The following STK39 variants were observed in gnomAD, a reference collection of about 807,000 sequenced individuals.
STK39 encodes STE20/SPS1-related proline-alanine-rich protein kinase.
A neutral mutation model predicts 77.8 loss-of-function variants in STK39; 20 were observed. The ratio of observed to expected loss-of-function variants is 0.26; its 90% CI spans 0.18 to 0.37. The LOEUF (loss-of-function observed/expected upper bound fraction) is 0.37. Ranked by LOEUF, STK39 falls within the 10% of genes least tolerant of loss-of-function variation. The pLI is 1.00. For synonymous variants in STK39, 246 were observed against 234.1 expected (o/e 1.05, Z -0.47); for missense variants, 479 against 656.5 (o/e 0.73, Z 2.95).
chr2:168,095,657 T>A lies in STK39; in HGVS notation c.1090-20426A>T, dbSNP rs1445913796. ...TTTTTTTTTTTTTAAGACGGAGTCTTGCTCTGTCGCCCAGGCTGGAGTGCA... is the reference window on the plus strand; with the variant it reads ...TTTTTTTTTTTTTAAGACGGAGTCTAGCTCTGTCGCCCAGGCTGGAGTGCA... On this transcript the variant is annotated intron_variant, in intron 10 of 17. Transcript: ENST00000355999. 2.7e-5 allele frequency among the ~76,000 whole-genome samples: 4 copies of A among 146,228 alleles called. No homozygotes were observed. In the East Asian group the frequency reaches 6.0e-4, roughly 22 times the overall value.
At chr2:167,997,983 TACAGTGCTG>T (rs1683890817) in intron 16 of STK39, among the ~76,000 whole-genome samples, 1 of 152,368 alleles carries the variant, frequency 6.6e-6, no homozygotes, top group African/African-American at 2.4e-5. Flanking sequence ...ATGGAGGCTA[TACAGTGCTG>T]TATAATAATT....
intron 3 of STK39, 79 bp from the exon 4 acceptor site, chr2:168,163,959 T>G: frequency 6.6e-7 from 1 of 1,510,658 alleles, no homozygotes; most frequent in Admixed American, 2.2e-5. Context: ...TGTATAAAAT[T>G]TAATAGAAAC....
At chr2:168,063,816 A>T (rs143173772) in intron 13 of STK39, among the ~76,000 whole-genome samples, 1 of 152,324 alleles carries the variant, frequency 6.6e-6, no homozygotes, top group Non-Finnish European at 1.5e-5. Context: ...TGGGTATCAT[A>T]AACAACTTGT....
chr2:168,102,830 T>A (rs1298115878), intron 10 of STK39, among the ~76,000 whole-genome samples: 1 of 146,722 alleles, frequency 6.8e-6, no homozygotes, highest in Non-Finnish European at 1.5e-5. Flanking sequence ...CTCGGGAGGC[T>A]GAGGCAGGAG....
intron 16 of STK39, among the ~76,000 whole-genome samples, chr2:167,996,281 T>C (rs1285821331): frequency 6.6e-6 from 1 of 152,194 alleles, no homozygotes; most frequent in Non-Finnish European, 1.5e-5. Flanking sequence ...CCTTCCAATA[T>C]CTAACTTAGC....
chr2:168,142,553 T>C (rs1490067578), intron 5 of STK39, among the ~76,000 whole-genome samples: 4 of 152,224 alleles, frequency 2.6e-5, no homozygotes, highest in Non-Finnish European at 2.9e-5. Flanking sequence ...ATAGTTAACA[T>C]TAGATATATT....
At chr2:168,000,711 A>G (rs2105296815) in intron 16 of STK39, among the ~76,000 whole-genome samples, 1 of 152,342 alleles carries the variant, frequency 6.6e-6, no homozygotes, top group South Asian at 2.1e-4. Flanking sequence ...CAGAAAGACA[A>G]GAAAGTGCAG....
At chr2:168,028,596 CT>C (rs2105335580) in intron 14 of STK39, among the ~76,000 whole-genome samples, 1 of 152,310 alleles carries the variant, frequency 6.6e-6, no homozygotes. Context: ...AAAGTTCACA[CT>C]TTTTTGTAGC....
chr2:168,074,482 G>C (rs1212587368), intron 12 of STK39, among the ~76,000 whole-genome samples: 1 of 152,144 alleles, frequency 6.6e-6, no homozygotes, highest in African/African-American at 2.4e-5. Context: ...AATTTTTTGA[G>C]TGCTCCTTAA....
intron 10 of STK39, among the ~76,000 whole-genome samples, chr2:168,106,017 C>T (rs1218218393): frequency 1.3e-5 from 2 of 152,224 alleles, no homozygotes; most frequent in Non-Finnish European, 2.9e-5. Flanking sequence ...GACTGGAGTG[C>T]AGTGGCGCAA....
At chr2:168,030,457 C>T (rs1223693748) in intron 14 of STK39, among the ~76,000 whole-genome samples, 2 of 152,050 alleles carry the variant, frequency 1.3e-5, no homozygotes, top group Non-Finnish European at 2.9e-5. Flanking sequence ...TTTCCTATTC[C>T]TGTAATTTTA....
intron 1 of STK39, among the ~76,000 whole-genome samples, chr2:168,216,999 C>A (rs1690041458): frequency 1.3e-5 from 2 of 152,202 alleles, no homozygotes; most frequent in Admixed American, 6.5e-5. Context: ...AGGTTCTCAG[C>A]AGAAGCAGAC....
chr2:168,017,140 G>A (rs1684431580), intron 14 of STK39, 45 bp from the exon 15 acceptor site: 2 of 1,388,006 alleles, frequency 1.4e-6, no homozygotes, highest in Non-Finnish European at 2.0e-6. Flanking sequence ...GGGAAGCAGA[G>A]TTTAGTCGAA....
chr2:168,032,488 A>G (rs1307272346), intron 14 of STK39, among the ~76,000 whole-genome samples: 1 of 152,204 alleles, frequency 6.6e-6, no homozygotes, highest in Non-Finnish European at 1.5e-5. Context: ...TTTCCTTCAT[A>G]ATGGTTTCTT....
At position 168,111,267 on chromosome 2, in the gene STK39, C is replaced by T. The variant is rs544742380; in HGVS notation, c.1089+18274G>A. Among the ~76,000 whole-genome samples the T allele has an allele frequency of 2.0e-5, 3 of 152,252 alleles. No individual in the cohort carries two copies. In the South Asian group the frequency reaches 6.2e-4, roughly 32 times the overall value. On this transcript the variant is annotated intron_variant, in intron 10 of 17. Transcript: ENST00000355999. ...TCATACCTTTATCAACTTCCTTCCA[C>T]TTTCTTCAGATTAAGATTGTTCTTT...
At chr2:168,204,402 G>C (rs1486773708) in intron 1 of STK39, among the ~76,000 whole-genome samples, 1 of 152,168 alleles carries the variant, frequency 6.6e-6, no homozygotes, top group African/African-American at 2.4e-5. Flanking sequence ...CATTCACATA[G>C]GAAGACCCGG....
At chr2:168,080,212 G>A (rs910603639) in intron 10 of STK39, among the ~76,000 whole-genome samples, 1 of 152,194 alleles carries the variant, frequency 6.6e-6, no homozygotes, top group African/African-American at 2.4e-5. Context: ...TAGGGTATTT[G>A]GTGGAAGAAA....
chr2:168,060,110 T>C (rs1054292306), intron 14 of STK39, among the ~76,000 whole-genome samples: 2 of 152,132 alleles, frequency 1.3e-5, no homozygotes, highest in Non-Finnish European at 2.9e-5. Context: ...TTTCTCAAAC[T>C]GAAGTACAAG....
intron 14 of STK39, among the ~76,000 whole-genome samples, chr2:168,027,686 T>C (rs2105334497): frequency 6.6e-6 from 1 of 152,308 alleles, no homozygotes; most frequent in African/African-American, 2.4e-5. Flanking sequence ...TCTCAACATA[T>C]TTTAAAGAAT....
Sources: allele counts gnomAD v4.1 joint callset (sites outside exome capture counted in the v4.1 genomes callset), GRCh38; gene constraint gnomAD v4.1.1; transcripts MANE v1.5; gene names NCBI Gene and HGNC (gene_info 2026-07-23, HGNC 2026-07-21).